Variants in CFTR observed in about 807,000 individuals in gnomAD.
CFTR encodes the protein CF transmembrane conductance regulator, also known as cystic fibrosis transmembrane conductance regulator.
Under a neutral mutation model 171.6 loss-of-function variants are expected in CFTR, and 181 were observed. That is an observed-to-expected ratio of 1.05 (90% CI 0.93 to 1.19). The LOEUF is 1.19. CFTR is among the 50% of genes most tolerant of loss of function. The probability of loss-of-function intolerance (pLI) is 0.00; values close to 1 mark genes in which losing one functional copy is unlikely to be tolerated. For synonymous variants in CFTR, 583 were observed against 608.0 expected (o/e 0.96, Z 0.60); for missense variants, 1,968 against 1,734.7 (o/e 1.13, Z -2.39).
At chr7:117,520,934 A>G (rs12538252) in intron 3 of CFTR, among the ~76,000 whole-genome samples, 35,704 of 151,824 alleles carry the variant, frequency 0.24, 4,487 homozygotes, top group East Asian at 0.42. Flanking sequence ...CACTAATCTT[A>G]TAAAATAACT....
intron 23 of CFTR, among the ~76,000 whole-genome samples, chr7:117,646,795 T>C (rs778896973): frequency 1.3e-5 from 2 of 151,936 alleles, no homozygotes; most frequent in Non-Finnish European, 2.9e-5. Context: ...AAATAATTGG[T>C]ATGGAAGTAG....
chr7:117,654,381 T>A (rs1337349419), intron 24 of CFTR, among the ~76,000 whole-genome samples: 1 of 152,084 alleles, frequency 6.6e-6, no homozygotes, highest in Non-Finnish European at 1.5e-5. Context: ...AGTGCTGGGG[T>A]CTGCTAGAGC....
chr7:117,505,365 G>A (rs1325710536), intron 2 of CFTR, among the ~76,000 whole-genome samples: 1 of 152,074 alleles, frequency 6.6e-6, no homozygotes, highest in East Asian at 1.9e-4. Context: ...TAAATAAAAG[G>A]AACGAATTTA....
intron 11 of CFTR, among the ~76,000 whole-genome samples, chr7:117,565,662 G>A (rs577538027): frequency 1.3e-5 from 2 of 152,240 alleles, no homozygotes; most frequent in Admixed American, 1.3e-4. Context: ...TGTCTGTCAT[G>A]ACAGCCATTA....
intron 21 of CFTR, among the ~76,000 whole-genome samples, chr7:117,617,353 A>C (rs1792506580): frequency 6.6e-6 from 1 of 151,990 alleles, no homozygotes. Context: ...CAACTAATAA[A>C]GGTAATGTTT....
At chr7:117,640,550 GA>G (rs1375777192) in intron 22 of CFTR, among the ~76,000 whole-genome samples, 7 of 152,054 alleles carry the variant, frequency 4.6e-5, no homozygotes, top group Non-Finnish European at 1.0e-4. Context: ...CAAAATTCTT[GA>G]TATGACCTTA....
At chr7:117,598,005 A>G (rs1336983476) in intron 15 of CFTR, among the ~76,000 whole-genome samples, 1 of 152,102 alleles carries the variant, frequency 6.6e-6, no homozygotes, top group African/African-American at 2.4e-5. Context: ...CTGAATGGAG[A>G]GCATTTGTTC....
intron 11 of CFTR, among the ~76,000 whole-genome samples, chr7:117,580,369 T>C (rs148559794): frequency 6.6e-6 from 1 of 152,036 alleles, no homozygotes; most frequent in Non-Finnish European, 1.5e-5. Flanking sequence ...TGTGATTATA[T>C]TAATATCTGT....
chr7:117,500,278 C>CTTTTTTT (rs745627454), intron 1 of CFTR, among the ~76,000 whole-genome samples: 12 of 76,476 alleles, frequency 1.6e-4, no homozygotes, highest in East Asian at 5.7e-4. Context: ...TTCTTCCTTT[C>CTTTTTTT]TTTTTTTTTT....
chr7:117,638,285 C>T (rs1281498647), intron 22 of CFTR, among the ~76,000 whole-genome samples: 1 of 152,154 alleles, frequency 6.6e-6, no homozygotes, highest in Non-Finnish European at 1.5e-5. Flanking sequence ...ATGAAGCCAA[C>T]CACTTTCAGA....
chr7:117,522,188 A>T (rs1798695261), intron 3 of CFTR, among the ~76,000 whole-genome samples: 1 of 152,186 alleles, frequency 6.6e-6, no homozygotes, highest in South Asian at 2.1e-4. Flanking sequence ...CATACTGTTC[A>T]GACTTTCATC....
intron 23 of CFTR, among the ~76,000 whole-genome samples, chr7:117,650,405 T>C (rs1793072634): frequency 6.6e-6 from 1 of 152,072 alleles, no homozygotes; most frequent in African/African-American, 2.4e-5. Context: ...AGAGTAGCTT[T>C]GAGAAGAAAG....
intron 22 of CFTR, among the ~76,000 whole-genome samples, chr7:117,629,472 A>G (rs1277232419): frequency 1.3e-5 from 2 of 152,224 alleles, no homozygotes; most frequent in East Asian, 3.9e-4. Flanking sequence ...CAATAAGAGA[A>G]TTGGTCATTT....
rs866148459 is a variant in CFTR, at chr7:117,524,408, C to A, written c.274-6491C>A. Among the ~76,000 whole-genome samples the A allele has an allele frequency of 4.6e-3, 646 of 139,230 alleles. 6 individuals are homozygous for A. Among genetic ancestry groups the A allele is most frequent in the African/African-American group, 9.6e-3 (361 of 37,728 alleles). The allele number at this position is 139,230 out of a possible 152,430, so 91.3% of individuals were successfully genotyped here. On this transcript the variant is annotated intron_variant, in intron 3 of 26. Transcript: ENST00000003084. ...ACTAGTCATGAAAAAAAAAAAAAAA[C>A]CAAATCAAAGTAAATTGATGGTATT...
chr7:117,496,404 A>G (rs1276192817), intron 1 of CFTR, among the ~76,000 whole-genome samples: 2 of 152,022 alleles, frequency 1.3e-5, no homozygotes, highest in Non-Finnish European at 2.9e-5. Flanking sequence ...GGGTCTTGTT[A>G]TGTTGTCTAG....
At chr7:117,649,061 T>A (rs1035920582) in intron 23 of CFTR, among the ~76,000 whole-genome samples, 2 of 152,060 alleles carry the variant, frequency 1.3e-5, no homozygotes, top group Non-Finnish European at 2.9e-5. Context: ...ATGTTGAATA[T>A]ATGTGTATCT....
chr7:117,586,327 A>G (rs1371408920), intron 11 of CFTR: 1 of 152,142 alleles, frequency 6.6e-6, no homozygotes, highest in East Asian at 1.9e-4. Flanking sequence ...CGACCTCTCT[A>G]TATTTTACTT....
intron 11 of CFTR, among the ~76,000 whole-genome samples, chr7:117,582,896 G>A (rs1240893199): frequency 2.0e-5 from 3 of 152,076 alleles, no homozygotes; most frequent in South Asian, 2.1e-4. Context: ...TATTCCATTC[G>A]ATCTGAGTGT....
At position 117,592,332 on chromosome 7, in the gene CFTR, A is replaced by T; in HGVS notation, c.2165A>T (p.Asn722Ile). 6.2e-7 allele frequency: 1 copy of T among 1,614,194 alleles called. No individual in the cohort carries two copies. Among genetic ancestry groups the T allele is most frequent in the Non-Finnish European group, 8.5e-7 (1 of 1,180,026 alleles). Residue 722 changes from asparagine (N) to isoleucine (I), a missense_variant, in exon 14 of 27, where the codon AAT becomes ATT. Physicochemically the swap from Asn to Ile is moderately radical, Grantham distance 149. Coordinates refer to ENST00000003084, the MANE Select transcript of CFTR (RefSeq NM_000492.4). ...GTGCAAAAGACTCCCTTACAAATGA[A>T]TGGCATCGAAGAGGATTCTGATGAG... is the stretch of plus-strand genomic sequence containing the variant. Reference protein sequence around the residue: ...SIVQKTPLQMNGIEEDSDEPL... With the variant: ...SIVQKTPLQMIGIEEDSDEPL...
Sources: gnomAD v4.1 joint callset for allele counts (sites outside exome capture counted in the v4.1 genomes callset) on GRCh38, gnomAD v4.1.1 for gene constraint, MANE v1.5 for transcripts, NCBI Gene and HGNC (gene_info 2026-07-23, HGNC 2026-07-21) for gene names.